The following WASHC5 variants were observed in gnomAD, a reference collection of about 807,000 sequenced individuals.
The protein encoded by WASHC5 is WASH complex subunit strumpellin.
WASHC5 carries 101 observed loss-of-function variants against 150.4 expected under a neutral mutation model. The ratio of observed to expected loss-of-function variants is 0.67; its 90% CI spans 0.57 to 0.79. The LOEUF (loss-of-function observed/expected upper bound fraction) is 0.79. Ranked by LOEUF, WASHC5 falls within the 30% of genes least tolerant of loss-of-function variation. The pLI is 0.00. For missense variants in WASHC5, 1,195 were observed against 1,396.3 expected (o/e 0.86, Z 2.30); for synonymous variants, 467 against 491.2 (o/e 0.95, Z 0.65).
intron 15 of WASHC5, 57 bp downstream of exon 15, chr8:125,057,499 G>A: frequency 8.7e-7 from 1 of 1,150,090 alleles, no homozygotes; most frequent in Non-Finnish European, 1.3e-6. Flanking sequence ...CATACTTTTT[G>A]TATTTAAAAC....
chr8:125,045,561 CTTTGCATTTTCAGCAAGCTCCACAGA>C (rs1816041108), intron 20 of WASHC5, among the ~76,000 whole-genome samples: 1 of 152,170 alleles, frequency 6.6e-6, no homozygotes. Context: ...GAGCTCTGGC[CTTTGCATTTTCAGCAAGCTCCACAGA>C]TGACATATCC....
intron 12 of WASHC5, among the ~76,000 whole-genome samples, chr8:125,060,543 A>G (rs576755935): frequency 3.3e-5 from 5 of 152,138 alleles, no homozygotes; most frequent in Non-Finnish European, 7.4e-5. Flanking sequence ...ATCATTTTAA[A>G]TCTAGTTAAA....
At chr8:125,088,958 C>T (rs936799859) in intron 1 of WASHC5, among the ~76,000 whole-genome samples, 48 of 152,102 alleles carry the variant, frequency 3.2e-4, no homozygotes, top group African/African-American at 8.4e-4. Context: ...CAGCTAGGGG[C>T]GGAAACAGAA....
Position 125,079,392 on chromosome 8 carries a change from G to C in WASHC5, c.519-462C>G, listed in dbSNP as rs1028775962. ...TTTAGTAGAGATGGGGTTTCACCAT[G>C]CTGGCCCAGGCTGGTCTTAAATGTC... On this transcript the variant is annotated intron_variant, in intron 5 of 28. Transcript: ENST00000318410. 7.9e-5 allele frequency among the ~76,000 whole-genome samples: 12 copies of C among 151,420 alleles called. No homozygotes were observed. In the South Asian group the frequency reaches 2.5e-3, roughly 32 times the overall value.
chr8:125,047,898 G>C (rs1432083900), intron 19 of WASHC5, among the ~76,000 whole-genome samples: 2 of 152,118 alleles, frequency 1.3e-5, no homozygotes, highest in African/African-American at 4.8e-5. Flanking sequence ...CCAGGCTGGA[G>C]TGCCGTGGTG....
At position 125,083,944 on chromosome 8, in the gene WASHC5, A is replaced by G; in HGVS notation, c.-46T>C. ...CTGTGCCTGGACACTGGGGATGATT[A>G]ACTGGCCTCAGAGCTGGTGTCTGTA... On this transcript the variant is annotated 5_prime_UTR_variant, in exon 2 of 29. Transcript: ENST00000318410. 6.4e-7 allele frequency: 1 copy of G among 1,570,142 alleles called. No individual in the cohort carries two copies. Among genetic ancestry groups the G allele is most frequent in the Non-Finnish European group, 8.7e-7 (1 of 1,144,478 alleles).
intron 18 of WASHC5, among the ~76,000 whole-genome samples, chr8:125,050,125 T>G (rs1289133802): frequency 2.0e-5 from 3 of 152,110 alleles, no homozygotes; most frequent in Non-Finnish European, 4.4e-5. Flanking sequence ...AGATCCTAAA[T>G]AGAGATTTCA....
intron 4 of WASHC5, among the ~76,000 whole-genome samples, chr8:125,082,014 C>CA (rs1299515065): frequency 6.6e-6 from 1 of 152,156 alleles, no homozygotes; most frequent in Non-Finnish European, 1.5e-5. Context: ...CTTGGGACAC[C>CA]AAAATAGCAA....
intron 6 of WASHC5, among the ~76,000 whole-genome samples, chr8:125,077,909 A>C (rs1032664831): frequency 6.6e-5 from 10 of 152,166 alleles, no homozygotes; most frequent in African/African-American, 2.2e-4. Flanking sequence ...TAAAACAACA[A>C]CAACAACACC....
chr8:125,051,535 C>T (rs768796519), intron 17 of WASHC5, among the ~76,000 whole-genome samples: 3 of 152,186 alleles, frequency 2.0e-5, no homozygotes, highest in East Asian at 1.9e-4. Context: ...GAAATCCAGA[C>T]TGTGGAGCAA....
At chr8:125,078,460 C>T (rs1282080960) in intron 6 of WASHC5, among the ~76,000 whole-genome samples, 3 of 152,150 alleles carry the variant, frequency 2.0e-5, no homozygotes, top group East Asian at 1.9e-4. Flanking sequence ...TGAATGGGCA[C>T]GTATCACATA....
intron 2 of WASHC5, 85 bp downstream of exon 2, chr8:125,083,628 T>C: frequency 1.8e-6 from 2 of 1,097,944 alleles, no homozygotes; most frequent in Non-Finnish European, 2.7e-6. Context: ...CCATAATTCC[T>C]TAACCTTACA....
intron 9 of WASHC5, among the ~76,000 whole-genome samples, chr8:125,068,914 A>C (rs1220536755): frequency 6.6e-6 from 1 of 152,268 alleles, no homozygotes; most frequent in African/African-American, 2.4e-5. Context: ...GAATAGAATA[A>C]AAAATATTGA....
At chr8:125,032,523 A>G in intron 26 of WASHC5, 129 bp from the exon 27 acceptor site, 1 of 1,067,648 alleles carries the variant, frequency 9.4e-7, no homozygotes, top group Non-Finnish European at 1.4e-6. Context: ...TTTGGAGGGA[A>G]TGACAATTCT....
At chr8:125,038,095 G>T (rs1390914806) in intron 25 of WASHC5, among the ~76,000 whole-genome samples, 4 of 152,134 alleles carry the variant, frequency 2.6e-5, no homozygotes, top group African/African-American at 9.7e-5. Flanking sequence ...CACAATCAGG[G>T]TTAAGACAGT....
chr8:125,065,805 T>C (rs539899789), intron 10 of WASHC5, among the ~76,000 whole-genome samples: 43 of 152,096 alleles, frequency 2.8e-4, no homozygotes, highest in Non-Finnish European at 4.3e-4. Flanking sequence ...TTAGTACAGA[T>C]GGGGTTTTGC....
intron 12 of WASHC5, among the ~76,000 whole-genome samples, chr8:125,060,216 G>A (rs1399509770): frequency 6.6e-6 from 1 of 152,060 alleles, no homozygotes; most frequent in African/African-American, 2.4e-5. Context: ...GCCGGGCACG[G>A]TGGCTCATGC....
intron 11 of WASHC5, among the ~76,000 whole-genome samples, chr8:125,061,862 C>G (rs1316063551): frequency 6.6e-6 from 1 of 152,162 alleles, no homozygotes; most frequent in African/African-American, 2.4e-5. Flanking sequence ...AATTGTTAGC[C>G]ATTTCCCAGA....
Position 125,076,374 on chromosome 8 carries a change from C to G in WASHC5, c.838G>C (p.Val280Leu). 1 of 1,614,014 alleles carries G rather than the reference C, an allele frequency of 6.2e-7. No homozygotes were observed. The highest frequency in any genetic ancestry group is 8.5e-7 in the Non-Finnish European group (1 of 1,179,932). The change falls in exon 7 of 29, where the codon GTG becomes CTG. Residue 280 changes from valine to leucine, a missense_variant. Physicochemically the swap from Val to Leu is conservative, Grantham distance 32 (BLOSUM62 1). Around this residue, in one of 3 missense-constraint regions of WASHC5, gnomAD observed 997 missense variants for 1,168.1 expected, o/e 0.85. Coordinates refer to ENST00000318410, the MANE Select transcript of WASHC5 (RefSeq NM_014846.4). The part of the protein sequence containing the change: ...HTHQAKMREI[V>L]DKYFPDNWVI... ...CAATTATCTGGAAAGTATTTATCCA[C>G]TATCTCTCTCATTTTTGCTTGATGG... is the stretch of plus-strand genomic sequence containing the variant.
Sources: allele counts gnomAD v4.1 joint callset (sites outside exome capture counted in the v4.1 genomes callset), GRCh38; gene constraint gnomAD v4.1.1; regional missense constraint gnomAD v4.1.1; transcripts MANE v1.5; gene names NCBI Gene and HGNC (gene_info 2026-07-23, HGNC 2026-07-21).